The following TMEM128 variants were observed in gnomAD, a reference collection of about 807,000 sequenced individuals.
TMEM128 encodes transmembrane protein 128.
TMEM128 carries 16 observed loss-of-function variants against 19.7 expected under a neutral mutation model. The ratio of observed to expected loss-of-function variants is 0.81; its 90% confidence interval spans 0.55 to 1.23. TMEM128 has a LOEUF of 1.23. TMEM128 is among the 50% of genes most tolerant of loss of function. The pLI, the probability that TMEM128 is intolerant of heterozygous loss-of-function variation, is 0.00. For synonymous variants in TMEM128, 98 were observed against 75.8 expected (o/e 1.29, Z -1.52); for missense variants, 237 against 200.8 (o/e 1.18, Z -1.09).
In TMEM128 at chr4:4,236,105, G is replaced by C. The variant is rs1259911730; in HGVS notation, c.*161C>G. The C allele has an allele frequency of 6.6e-6, 1 of 152,114 alleles. No individual in the cohort carries two copies. Among genetic ancestry groups the C allele is most frequent in the Non-Finnish European group, 1.5e-5 (1 of 68,022 alleles). 9.4% of individuals were successfully genotyped at this position (152,114 alleles called of 1,614,324 possible). ...TTAGGGTCTGCCATGCTTTCAGCTAGCTGGATGTTTAACCATTCACTTCAA... is the reference window on the plus strand; with the variant it reads ...TTAGGGTCTGCCATGCTTTCAGCTACCTGGATGTTTAACCATTCACTTCAA... On this transcript the variant is annotated 3_prime_UTR_variant, in exon 5 of 5. Coordinates refer to ENST00000382753, the MANE Select transcript of TMEM128 (RefSeq NM_001297551.2).
chr4:4,247,968 G>A, intron 1 of TMEM128, 138 bp downstream of exon 1: 1 of 1,440,560 alleles, frequency 6.9e-7, no homozygotes, highest in South Asian at 1.4e-5. Flanking sequence ...GCGATTCTAA[G>A]GATCTTCCCT....
intron 2 of TMEM128, among the ~76,000 whole-genome samples, chr4:4,243,734 C>A (rs1718055294): frequency 6.6e-6 from 1 of 152,202 alleles, no homozygotes; most frequent in South Asian, 2.1e-4. Flanking sequence ...CTTTCCAACC[C>A]CCACAGCCCT....
intron 2 of TMEM128, among the ~76,000 whole-genome samples, chr4:4,245,989 T>C (rs1407667616): frequency 6.6e-6 from 1 of 152,172 alleles, no homozygotes; most frequent in Non-Finnish European, 1.5e-5. Context: ...CACTATACTG[T>C]ATGTACATTA....
At chr4:4,240,677 G>C (rs972561734) in intron 2 of TMEM128, among the ~76,000 whole-genome samples, 198 bp from the exon 3 acceptor site, 2 of 152,292 alleles carry the variant, frequency 1.3e-5, no homozygotes, top group Admixed American at 6.5e-5. Context: ...ACACAACTCA[G>C]GAAAGAATGA....
Position 4,235,946 on chromosome 4 carries a change from G to A in TMEM128, c.*320C>T, listed in dbSNP as rs1276642758. The A allele has an allele frequency of 1.3e-5, 2 of 152,278 alleles. No homozygotes were observed. The highest frequency in any genetic ancestry group is 2.9e-5 in the Non-Finnish European group (2 of 68,032). The allele number at this position is 152,278 out of a possible 1,614,324, so 9.4% of individuals were successfully genotyped here. Reference sequence around the variant, plus strand: ...TAGTACTTCTGTATCACTGACTTCTGAAAATTTTAATAATTTATGCATATG... The same window carrying A: ...TAGTACTTCTGTATCACTGACTTCTAAAAATTTTAATAATTTATGCATATG... On this transcript the variant is annotated 3_prime_UTR_variant, in exon 5 of 5. Coordinates refer to ENST00000382753, the MANE Select transcript of TMEM128 (RefSeq NM_001297551.2).
intron 2 of TMEM128, among the ~76,000 whole-genome samples, chr4:4,245,335 T>C (rs1181837384): frequency 6.6e-6 from 1 of 152,160 alleles, no homozygotes; most frequent in East Asian, 1.9e-4. Flanking sequence ...GGACATCTGG[T>C]CTGGCCACAA....
At chr4:4,243,856 C>T (rs1229024907) in intron 2 of TMEM128, among the ~76,000 whole-genome samples, 1 of 152,116 alleles carries the variant, frequency 6.6e-6, no homozygotes, top group Non-Finnish European at 1.5e-5. Context: ...TCTTACTCTG[C>T]CATTTCTCTA....
intron 2 of TMEM128, among the ~76,000 whole-genome samples, chr4:4,241,954 G>A (rs1487213407): frequency 6.6e-6 from 1 of 152,132 alleles, no homozygotes; most frequent in Non-Finnish European, 1.5e-5. Context: ...CCAGGCTGGA[G>A]TGCAGTGCTG....
intron 2 of TMEM128, among the ~76,000 whole-genome samples, chr4:4,242,352 G>A (rs900709139): frequency 2.6e-5 from 4 of 151,924 alleles, no homozygotes; most frequent in East Asian, 1.9e-4. Context: ...CTAATTGTAT[G>A]TATAAAGCAT....
At chr4:4,246,048 C>T (rs1010843636) in intron 2 of TMEM128, among the ~76,000 whole-genome samples, 154 bp downstream of exon 2, 8 of 152,140 alleles carry the variant, frequency 5.3e-5, no homozygotes, top group South Asian at 2.1e-4. Context: ...TACCCTTTGA[C>T]CCCCATCTCA....
In TMEM128 at chr4:4,240,461, AC is replaced by A. The variant is rs1349214806; in HGVS notation, c.257del (p.Ser86MetfsTer15). ...TTGATAAACTGACAAGCAACAAGGC[AC>A]TGCCACAGAGAAACCAGCTGTGGAG... ...FHTSSWFLCG[S>X]ALLLVSLSIA... is the part of the protein sequence containing the mutation. On this transcript the variant is annotated frameshift_variant, in exon 3 of 5. Transcript: ENST00000382753. LOFTEE classifies it high-confidence loss of function. 6.2e-7 allele frequency: 1 copy of A among 1,613,278 alleles called. No homozygotes were observed. Among genetic ancestry groups the A allele is most frequent in the African/African-American group, 1.3e-5 (1 of 74,890 alleles).
At chr4:4,247,469 A>G in intron 1 of TMEM128, 1 of 1,243,050 alleles carries the variant, frequency 8.0e-7, no homozygotes, top group Non-Finnish European at 1.1e-6. Context: ...GAGATAAAAA[A>G]TATCCAAAAT....
intron 2 of TMEM128, among the ~76,000 whole-genome samples, chr4:4,243,735 C>T (rs1718055397): frequency 6.6e-6 from 1 of 152,170 alleles, no homozygotes. Context: ...TTTCCAACCC[C>T]CACAGCCCTG....
At chr4:4,241,832 TG>T (rs1184702052) in intron 2 of TMEM128, among the ~76,000 whole-genome samples, 2 of 152,226 alleles carry the variant, frequency 1.3e-5, no homozygotes, top group African/African-American at 4.8e-5. Context: ...TTAAATCAAG[TG>T]GTCAGCAAAG....
At chr4:4,247,883 T>C in intron 1 of TMEM128, 1 of 1,430,480 alleles carries the variant, frequency 7.0e-7, no homozygotes, top group East Asian at 2.5e-5. Flanking sequence ...TTTTAATCGC[T>C]ATTTCCAAAT....
intron 3 of TMEM128, among the ~76,000 whole-genome samples, chr4:4,239,613 C>T (rs1717864524): frequency 6.6e-6 from 1 of 152,174 alleles, no homozygotes. Flanking sequence ...TACAAGAATG[C>T]TCTTTATAGC....
intron 3 of TMEM128, 73 bp downstream of exon 3, chr4:4,240,248 C>G: frequency 1.4e-6 from 2 of 1,478,628 alleles, no homozygotes; most frequent in Non-Finnish European, 1.8e-6. Context: ...GAAGTTTGGA[C>G]CAAGCATATC....
At chr4:4,240,708 TGCATTTATATATAC>T (rs1204845395) in intron 2 of TMEM128, among the ~76,000 whole-genome samples, 1 of 152,220 alleles carries the variant, frequency 6.6e-6, no homozygotes, top group Non-Finnish European at 1.5e-5. Flanking sequence ...TTGAAATACA[TGCATTTATATATAC>T]ACTCTCATCA....
At chr4:4,246,453 T>C (rs993357301) in intron 1 of TMEM128, 110 bp from the exon 2 acceptor site, 1 of 1,119,232 alleles carries the variant, frequency 8.9e-7, no homozygotes, top group South Asian at 1.7e-5. Context: ...GTCTCTCCCA[T>C]GATAACAAAT....
Sources: gnomAD v4.1 joint callset for allele counts (sites outside exome capture counted in the v4.1 genomes callset) on GRCh38, gnomAD v4.1.1 for gene constraint, MANE v1.5 for transcripts, NCBI Gene and HGNC (gene_info 2026-07-23, HGNC 2026-07-21) for gene names.